FILIP1L: variants seen among roughly 807,000 people sequenced by gnomAD.
FILIP1L encodes filamin A interacting protein 1 like.
In FILIP1L, 55 loss-of-function variants were observed where a neutral mutation model predicts 96.6. That is an observed-to-expected ratio of 0.57 (90% CI 0.46 to 0.71). The LOEUF (loss-of-function observed/expected upper bound fraction) is 0.71. FILIP1L is among the 30% of genes least tolerant of loss of function. The pLI, the probability that FILIP1L is intolerant of heterozygous loss-of-function variation, is 0.00. For missense variants in FILIP1L, 1,304 were observed against 1,321.2 expected, an observed-to-expected ratio of 0.99 and a Z score of 0.20; for synonymous variants, 467 against 473.9, an observed-to-expected ratio of 0.99 and a Z score of 0.19.
Position 99,848,557 on chromosome 3 carries a change from G to T in FILIP1L, c.3119C>A (p.Ser1040Ter). 1 of 1,614,184 alleles carries T rather than the reference G, an allele frequency of 6.2e-7. No homozygotes were observed. The highest frequency in any genetic ancestry group is 1.1e-5 in the South Asian group (1 of 91,062). ...AIFRVSPDRQ[S>*]SWQFQRSNSN... The stretch of plus-strand genomic sequence containing the variant: ...GTTTGAACGCTGAAACTGCCATGAT[G>T]ACTGCCGGTCTGGGGAGACTCTGAA... The change falls in exon 5 of 6, where the codon TCA (serine) becomes TAA (stop). Residue 1040 changes from serine (S) to a stop codon, truncating the protein, a stop_gained. Coordinates refer to ENST00000477258, the MANE Select transcript of FILIP1L (RefSeq NM_001387850.1). LOFTEE classifies it high-confidence loss of function.
At chr3:100,086,621 A>G (rs2066014065) in intron 1 of FILIP1L, among the ~76,000 whole-genome samples, 1 of 152,248 alleles carries the variant, frequency 6.6e-6, no homozygotes, top group African/African-American at 2.4e-5. Context: ...CTTCCTATGA[A>G]TCATTGCAGC....
chr3:99,959,234 C>T (rs1708424757), intron 1 of FILIP1L, among the ~76,000 whole-genome samples: 2 of 152,294 alleles, frequency 1.3e-5, no homozygotes, highest in Middle Eastern at 3.4e-3. Flanking sequence ...CTGCAACCTC[C>T]AACTCCCAGG....
At chr3:99,858,957 T>C (rs1325693059) in intron 4 of FILIP1L, among the ~76,000 whole-genome samples, 2 of 152,270 alleles carry the variant, frequency 1.3e-5, no homozygotes, top group African/African-American at 2.4e-5. Flanking sequence ...GTCACTGCTT[T>C]GATGTTTCCA....
intron 4 of FILIP1L, chr3:99,876,049 C>G: frequency 1.0e-6 from 1 of 985,712 alleles, no homozygotes; most frequent in Non-Finnish European, 1.2e-6. Context: ...CTTGGTGGAG[C>G]GAAGTTGCTC....
chr3:99,999,750 G>A (rs973804475), intron 1 of FILIP1L, among the ~76,000 whole-genome samples: 14 of 152,156 alleles, frequency 9.2e-5, no homozygotes. Context: ...GTTTCTCATG[G>A]TCTCTTGCTC....
chr3:100,082,748 A>T (rs1001697860), intron 1 of FILIP1L, among the ~76,000 whole-genome samples: 6 of 152,146 alleles, frequency 3.9e-5, no homozygotes, highest in African/African-American at 1.4e-4. Context: ...TTATTGTTAC[A>T]TGTTTCTGTT....
intron 1 of FILIP1L, among the ~76,000 whole-genome samples, chr3:100,060,509 T>TA (rs921239016): frequency 1.3e-5 from 2 of 150,088 alleles, no homozygotes; most frequent in African/African-American, 4.9e-5. Flanking sequence ...AAAAAAAAAA[T>TA]ACATAAAAAT....
chr3:99,976,140 C>T (rs1457191520), intron 1 of FILIP1L, among the ~76,000 whole-genome samples: 4 of 152,124 alleles, frequency 2.6e-5, no homozygotes, highest in African/African-American at 9.7e-5. Flanking sequence ...CCGCCTCAGC[C>T]TCCCAAAGTA....
At chr3:99,878,800 G>A (rs999368481) in intron 4 of FILIP1L, among the ~76,000 whole-genome samples, 1 of 152,210 alleles carries the variant, frequency 6.6e-6, no homozygotes, top group Non-Finnish European at 1.5e-5. Flanking sequence ...GTGGTGTATT[G>A]CAAACTCCAA....
chr3:99,831,059 G>C (rs916849784), intron 5 of FILIP1L, among the ~76,000 whole-genome samples: 1 of 152,168 alleles, frequency 6.6e-6, no homozygotes, highest in East Asian at 1.9e-4. Context: ...ATGATTAGTG[G>C]AACAGCTTGG....
chr3:100,024,038 T>A (rs2064874864), intron 1 of FILIP1L, among the ~76,000 whole-genome samples: 1 of 152,172 alleles, frequency 6.6e-6, no homozygotes, highest in Non-Finnish European at 1.5e-5. Flanking sequence ...GGCAAGGATA[T>A]GCCAGACTAT....
intron 5 of FILIP1L, among the ~76,000 whole-genome samples, chr3:99,841,369 A>T (rs1559651742): frequency 6.6e-6 from 1 of 152,218 alleles, no homozygotes; most frequent in South Asian, 2.1e-4. Flanking sequence ...AAAATAATGT[A>T]GATAACCAAC....
intron 1 of FILIP1L, among the ~76,000 whole-genome samples, chr3:100,111,981 G>T (rs1424535803): frequency 6.6e-6 from 1 of 152,178 alleles, no homozygotes. Context: ...GGCATCTGGA[G>T]ACCATGTTTG....
At chr3:100,044,354 TA>T (rs1450523281) in intron 1 of FILIP1L, among the ~76,000 whole-genome samples, 1 of 151,726 alleles carries the variant, frequency 6.6e-6, no homozygotes, top group Non-Finnish European at 1.5e-5. Flanking sequence ...TACATCATAG[TA>T]TAAAGAAGTA....
At chr3:99,876,081 C>G (rs746672689) in intron 4 of FILIP1L, 1 of 986,488 alleles carries the variant, frequency 1.0e-6, no homozygotes, top group Non-Finnish European at 1.2e-6. Flanking sequence ...CCTGAACTGC[C>G]TGCGCCGGGG....
intron 1 of FILIP1L, among the ~76,000 whole-genome samples, chr3:100,024,584 T>A (rs2064884184): frequency 6.6e-6 from 1 of 152,176 alleles, no homozygotes; most frequent in Non-Finnish European, 1.5e-5. Flanking sequence ...TATTAAATTA[T>A]GTAATTATAG....
chr3:99,855,889 T>C (rs1943937865), intron 4 of FILIP1L, among the ~76,000 whole-genome samples: 1 of 152,212 alleles, frequency 6.6e-6, no homozygotes, highest in South Asian at 2.1e-4. Context: ...AAGTCCTCAT[T>C]AACAAATCGG....
At chr3:99,865,205 GTCT>G (rs1944455069) in intron 4 of FILIP1L, among the ~76,000 whole-genome samples, 1 of 152,086 alleles carries the variant, frequency 6.6e-6, no homozygotes. Context: ...AGGTATTACC[GTCT>G]TCTTATTTTA....
chr3:99,883,202 A>G (rs1034594302), intron 4 of FILIP1L, among the ~76,000 whole-genome samples: 1 of 152,236 alleles, frequency 6.6e-6, no homozygotes, highest in Non-Finnish European at 1.5e-5. Flanking sequence ...TCAGTGCCGA[A>G]CAGCTCCAGA....
Sources: gnomAD v4.1 joint callset for allele counts (sites outside exome capture counted in the v4.1 genomes callset) on GRCh38, gnomAD v4.1.1 for gene constraint, MANE v1.5 for transcripts, NCBI Gene and HGNC (gene_info 2026-07-23, HGNC 2026-07-21) for gene names.